The following NHSL2 variants were observed in gnomAD, a reference collection of about 807,000 sequenced individuals.
NHSL2 encodes the protein NHS-like protein 2.
In NHSL2, 27 loss-of-function variants were observed where a neutral mutation model predicts 53.4. The ratio of observed to expected loss-of-function variants is 0.51; its 90% CI spans 0.37 to 0.70. NHSL2 has a LOEUF of 0.70. NHSL2 is among the 30% of genes least tolerant of loss of function. The probability of loss-of-function intolerance (pLI) is 0.00; values close to 1 mark genes in which losing one functional copy is unlikely to be tolerated. For synonymous variants in NHSL2, 408 were observed against 404.1 expected (o/e 1.01, Z -0.12); for missense variants, 892 against 980.1 (o/e 0.91, Z 1.20).
intron 1 of NHSL2, among the ~76,000 whole-genome samples, chrX:72,031,005 G>A (rs141622074): frequency 0.021 from 2,304 of 111,753 alleles, 54 homozygotes; most frequent in East Asian, 0.18. Context: ...AGCAGACATC[G>A]GTTGTGTCCC....
rs949016966 is a variant in NHSL2 at position 72,130,819 on chromosome X, A to G, written c.281-1260A>G. ...ACAGTGGCCCTGCTTGAGCTTGCGAATGGCCTTTTTAGCCACACGTGGGGG... is the reference window on the plus strand; with the variant it reads ...ACAGTGGCCCTGCTTGAGCTTGCGAGTGGCCTTTTTAGCCACACGTGGGGG... On this transcript the variant is annotated intron_variant, in intron 1 of 7. Transcript: ENST00000633930. 2.5e-6 allele frequency: 3 copies of G among 1,209,925 alleles called. No individual in the cohort carries two copies. Among genetic ancestry groups the G allele is most frequent in the Admixed American group, 2.2e-5 (1 of 45,843 alleles).
In NHSL2 at chrX:71,911,108, GGTGGTA is replaced by G; in HGVS notation, c.22_27del (p.Val8_Val9del). ...CCGGGATGCCGTTCTACAGGCGCAC[GGTGGTA>G]CCCCAGCGCCTGTGCCCGCGCAACC... On this transcript the variant is annotated inframe_deletion, in exon 1 of 8. Coordinates refer to ENST00000633930, the MANE Select transcript of NHSL2 (RefSeq NM_001013627.3). 9.5e-7 allele frequency: 1 copy of G among 1,054,180 alleles called. No individual in the cohort carries two copies. The highest frequency in any genetic ancestry group is 1.2e-6 in the Non-Finnish European group (1 of 820,301). 86.9% of individuals were successfully genotyped at this position (1,054,180 alleles called of 1,213,427 possible). A position where few individuals can be genotyped will look rare whatever the true frequency, so the allele number is the denominator to read the frequency against.
chrX:71,951,925 T>G (rs138695279), intron 1 of NHSL2, among the ~76,000 whole-genome samples: 14 of 111,576 alleles, frequency 1.3e-4, no homozygotes, highest in Admixed American at 3.8e-4. Flanking sequence ...TATTTAACCC[T>G]TATAGTCCCA....
chrX:71,959,606 A>AC (rs768461521), intron 1 of NHSL2, among the ~76,000 whole-genome samples: 2 of 109,878 alleles, frequency 1.8e-5, no homozygotes, highest in Admixed American at 9.7e-5. Flanking sequence ...TCAAGCTGTG[A>AC]CCCCCCAATC....
intron 1 of NHSL2, among the ~76,000 whole-genome samples, chrX:72,095,251 C>G (rs887221599): frequency 8.9e-6 from 1 of 112,466 alleles, no homozygotes; most frequent in African/African-American, 3.2e-5. Context: ...AGTAATTAAA[C>G]GAGCAAACAA....
At chrX:72,004,966 G>T (rs759441745) in intron 1 of NHSL2, among the ~76,000 whole-genome samples, 1 of 111,411 alleles carries the variant, frequency 9.0e-6, no homozygotes, top group East Asian at 2.8e-4. Flanking sequence ...AGGCATTCTG[G>T]ACTTTTAGCC....
At chrX:71,955,113 C>T (rs758271653) in intron 1 of NHSL2, among the ~76,000 whole-genome samples, 1 of 111,665 alleles carries the variant, frequency 9.0e-6, no homozygotes, top group South Asian at 3.8e-4. Flanking sequence ...TTCCTCCCAC[C>T]TCTGCCTATT....
intron 1 of NHSL2, among the ~76,000 whole-genome samples, chrX:72,021,052 C>T (rs1386546343): frequency 2.0e-5 from 2 of 99,240 alleles, no homozygotes; most frequent in African/African-American, 5.1e-5. Context: ...CACACACACG[C>T]GTGCGCATAC....
chrX:72,094,144 T>C (rs1328768688), intron 1 of NHSL2, among the ~76,000 whole-genome samples: 2 of 111,547 alleles, frequency 1.8e-5, no homozygotes, highest in Non-Finnish European at 3.8e-5. Context: ...TTACTTTAAA[T>C]AAGTACCAGA....
At chrX:72,062,419 C>T (rs2042404274) in intron 1 of NHSL2, among the ~76,000 whole-genome samples, 1 of 112,115 alleles carries the variant, frequency 8.9e-6, no homozygotes, top group Non-Finnish European at 1.9e-5. Flanking sequence ...GGAGTATAGG[C>T]TCAAAAATAC....
chrX:72,139,660 G>C lies in NHSL2; in HGVS notation c.2112G>C (p.Arg704Ser), dbSNP rs1302087377. The change falls in exon 6 of 8, where the codon AGG (arginine) becomes AGC (serine). Residue 704 changes from arginine (R) to serine (S), a missense_variant. Coordinates refer to ENST00000633930, the MANE Select transcript of NHSL2 (RefSeq NM_001013627.3). Reference protein sequence around the residue: ...VEAREISSPGRPPGLMSPSSG... With the variant: ...VEAREISSPGSPPGLMSPSSG... ...CCAGGGAGATATCATCCCCGGGAAGGCCCCCTGGACTGATGTCACCCTCCA... is the reference window on the plus strand; with the variant it reads ...CCAGGGAGATATCATCCCCGGGAAGCCCCCCTGGACTGATGTCACCCTCCA... 8.3e-7 allele frequency: 1 copy of C among 1,210,677 alleles called. No individual in the cohort carries two copies. The highest frequency in any genetic ancestry group is 1.8e-5 in the South Asian group (1 of 56,894).
rs2042482387 is a variant in NHSL2 at position 72,148,692 on chromosome X, A to G, written c.*5118A>G. On this transcript the variant is annotated 3_prime_UTR_variant, in exon 8 of 8. Transcript: ENST00000633930. ...TTTTTAATAAGGTTAGCAAGAAGAA[A>G]TTTGCATGAGTAATGAGCAATGTGA... 1 of 111,753 alleles carries G rather than the reference A, an allele frequency of 8.9e-6. No individual in the cohort carries two copies. The highest frequency in any genetic ancestry group is 1.9e-5 in the Non-Finnish European group (1 of 53,159). 9.2% of individuals were successfully genotyped at this position (111,753 alleles called of 1,213,427 possible). A position where few individuals can be genotyped will look rare whatever the true frequency, so the allele number is the denominator to read the frequency against.
chrX:72,140,230 G>A lies in NHSL2; in HGVS notation c.2682G>A (p.Glu894=), dbSNP rs367896164. The A allele has an allele frequency of 3.2e-5, 39 of 1,208,256 alleles. No individual in the cohort carries two copies. Among genetic ancestry groups the A allele is most frequent in the Non-Finnish European group, 4.4e-5 (39 of 894,523 alleles). Residue 894 remains glutamate, a synonymous_variant, in exon 6 of 8, where the codon GAG becomes GAA. Transcript: ENST00000633930. ...LVHKPPSVPE[E]YALTSPTLAM... is the part of the protein sequence containing the mutation. ...ACAAGCCACCATCTGTTCCTGAGGA[G>A]TATGCACTAACTTCACCAACCTTGG... is the stretch of plus-strand genomic sequence containing the variant.
At chrX:72,141,285 G>A (rs1304831609) in intron 6 of NHSL2, 1 of 124,143 alleles carries the variant, frequency 8.1e-6, no homozygotes, top group Admixed American at 9.3e-5. Flanking sequence ...AGGAAAGGGA[G>A]CTCACTTTCT....
At chrX:72,142,440 T>C (rs1229100692) in intron 7 of NHSL2, 76 bp downstream of exon 7, 1 of 775,235 alleles carries the variant, frequency 1.3e-6, no homozygotes, top group Non-Finnish European at 1.8e-6. Context: ...CTATTCCACA[T>C]TGAAATCCTA....
intron 1 of NHSL2, among the ~76,000 whole-genome samples, chrX:71,990,558 C>T (rs779429455): frequency 1.8e-5 from 2 of 111,080 alleles, no homozygotes; most frequent in Admixed American, 9.6e-5. Context: ...AAGACCACCC[C>T]GCTCACACTG....
intron 1 of NHSL2, chrX:72,131,355 G>A (rs200101086): frequency 1.7e-6 from 2 of 1,207,121 alleles, no homozygotes; most frequent in Non-Finnish European, 2.2e-6. Context: ...CCGCAAGGAC[G>A]GGCACTATGG....
intron 1 of NHSL2, among the ~76,000 whole-genome samples, chrX:72,051,333 A>G (rs1057162645): frequency 8.9e-6 from 1 of 112,299 alleles, no homozygotes; most frequent in Non-Finnish European, 1.9e-5. Context: ...ATGTACAGAA[A>G]TTTTCAGTTG....
chrX:71,969,306 CTTTTTTT>C lies in NHSL2; in HGVS notation c.280+57945_280+57951del, dbSNP rs775716586. The stretch of plus-strand genomic sequence containing the variant: ...GTAAGTTGAACGGTTTTCTTTTTTT[CTTTTTTT>C]TTTTTCTTTTTTTTTTTTTGAGACA... On this transcript the variant is annotated intron_variant, in intron 1 of 7. Coordinates refer to ENST00000633930, the MANE Select transcript of NHSL2 (RefSeq NM_001013627.3). 3.7e-5 allele frequency among the ~76,000 whole-genome samples: 3 copies of C among 80,888 alleles called. No homozygotes were observed. In the Admixed American group the frequency reaches 4.7e-4, roughly 13 times the overall value. The allele number at this position is 80,888 out of a possible 115,157, so 70.2% of individuals were successfully genotyped here.
Sources: gnomAD v4.1 joint callset for allele counts (sites outside exome capture counted in the v4.1 genomes callset) on GRCh38, gnomAD v4.1.1 for gene constraint, MANE v1.5 for transcripts, NCBI Gene and HGNC (gene_info 2026-07-23, HGNC 2026-07-21) for gene names.